RALGAPB: variants seen among roughly 807,000 people sequenced by gnomAD.
The protein encoded by RALGAPB is ral GTPase-activating protein subunit beta.
RALGAPB carries 25 observed loss-of-function variants against 161.1 expected under a neutral mutation model. That is an observed-to-expected ratio of 0.16 (90% CI 0.11 to 0.22). The LOEUF (loss-of-function observed/expected upper bound fraction) is 0.22. Ranked by LOEUF, RALGAPB falls within the 10% of genes least tolerant of loss-of-function variation. The pLI, the probability that RALGAPB is intolerant of heterozygous loss-of-function variation, is 1.00. For synonymous variants in RALGAPB, 629 were observed against 626.1 expected (o/e 1.00, Z -0.07); for missense variants, 1,391 against 1,815.2 (o/e 0.77, Z 4.25).
chr20:38,517,507 T>A lies in RALGAPB; in HGVS notation c.1053T>A (p.Gly351=). The change falls in exon 8 of 30, where the codon GGT becomes GGA. Residue 351 remains glycine, a splice_region_variant and synonymous_variant. Transcript: ENST00000262879. ...ATTTGTCTTTTTTTTTTTTTTAAGGTATTTCTAGACCCCGATCAGACAGTG... is the reference window on the plus strand; with the variant it reads ...ATTTGTCTTTTTTTTTTTTTTAAGGAATTTCTAGACCCCGATCAGACAGTG... ...GISCLVDAFL[G]ISRPRSDSAP... The A allele has an allele frequency of 6.5e-7, 1 of 1,544,100 alleles. No homozygotes were observed. Among genetic ancestry groups the A allele is most frequent in the Non-Finnish European group, 8.7e-7 (1 of 1,149,702 alleles).
At chr20:38,473,688 C>A (rs1264466743) in intron 1 of RALGAPB, among the ~76,000 whole-genome samples, 1 of 152,128 alleles carries the variant, frequency 6.6e-6, no homozygotes, top group East Asian at 1.9e-4. Context: ...CCGGAGCATC[C>A]GACCCAAGTG....
chr20:38,551,287 G>T, intron 21 of RALGAPB, 64 bp downstream of exon 21: 1 of 1,536,842 alleles, frequency 6.5e-7, no homozygotes, highest in Admixed American at 1.7e-5. Context: ...GACTTCCTTG[G>T]TCAAGACAAT....
At chr20:38,558,811 A>G (rs1394087693) in intron 23 of RALGAPB, among the ~76,000 whole-genome samples, 2 of 152,236 alleles carry the variant, frequency 1.3e-5, no homozygotes, top group South Asian at 2.1e-4. Flanking sequence ...CACACAGTCT[A>G]GAGTCCATAT....
Position 38,488,637 on chromosome 20 carries a change from C to A in RALGAPB, c.186+19C>A. ...CAAAGAAGTAAGTGTTTCTAAATTT[C>A]ATTCTCTTATATGAAAATGTACATT... On this transcript the variant is annotated intron_variant, in intron 2 of 29. Coordinates refer to ENST00000262879, the MANE Select transcript of RALGAPB (RefSeq NM_020336.4). The A allele has an allele frequency of 6.3e-7, 1 of 1,591,024 alleles. No homozygotes were observed. The highest frequency in any genetic ancestry group is 1.1e-5 in the South Asian group (1 of 88,750).
At chr20:38,535,338 G>A (rs887401932) in intron 16 of RALGAPB, 131 bp downstream of exon 16, 5 of 1,169,248 alleles carry the variant, frequency 4.3e-6, no homozygotes, top group Non-Finnish European at 4.7e-6. Context: ...TATATCCAAA[G>A]TGTACAAAAT....
chr20:38,537,494 C>G (rs979332775), intron 16 of RALGAPB, among the ~76,000 whole-genome samples: 1 of 152,166 alleles, frequency 6.6e-6, no homozygotes, highest in South Asian at 2.1e-4. Context: ...AATAAAACTT[C>G]TAGAAGAAAA....
At chr20:38,546,600 A>G (rs1415886968) in intron 19 of RALGAPB, 170 bp downstream of exon 19, 2 of 762,988 alleles carry the variant, frequency 2.6e-6, no homozygotes, top group Non-Finnish European at 4.1e-6. Flanking sequence ...AAAATAGAAT[A>G]TACATATTAC....
intron 22 of RALGAPB, among the ~76,000 whole-genome samples, chr20:38,557,534 A>G (rs188709038): frequency 7.1e-4 from 108 of 152,186 alleles, no homozygotes; most frequent in Non-Finnish European, 4.4e-5. Context: ...TCCTCACTCA[A>G]CACCTAGTAG....
intron 18 of RALGAPB, 121 bp downstream of exon 18, chr20:38,541,313 CTT>C: frequency 1.0e-6 from 1 of 995,914 alleles, no homozygotes; most frequent in Non-Finnish European, 1.4e-6. Flanking sequence ...TTAGAATATA[CTT>C]TTTCTCCAGA....
chr20:38,567,759 A>C (rs981937640), intron 26 of RALGAPB, among the ~76,000 whole-genome samples: 21 of 152,212 alleles, frequency 1.4e-4, no homozygotes, highest in African/African-American at 4.6e-4. Context: ...AAGTGTAGGA[A>C]GATTGACTTA....
intron 11 of RALGAPB, 139 bp downstream of exon 11, chr20:38,525,084 G>T: frequency 1.1e-6 from 1 of 875,572 alleles, no homozygotes; most frequent in South Asian, 1.6e-5. Flanking sequence ...AATGAGTGTA[G>T]TGTGTCCAAA....
chr20:38,489,171 G>T (rs1366253238), intron 2 of RALGAPB, among the ~76,000 whole-genome samples: 2 of 152,100 alleles, frequency 1.3e-5, no homozygotes, highest in African/African-American at 4.8e-5. Flanking sequence ...ATTGGAATTG[G>T]GGTTGTGTTT....
intron 2 of RALGAPB, among the ~76,000 whole-genome samples, chr20:38,488,884 A>G (rs533796031): frequency 6.6e-5 from 10 of 152,316 alleles, no homozygotes; most frequent in Non-Finnish European, 1.2e-4. Context: ...GTTATGGTCA[A>G]TTCTCCACTT....
At chr20:38,524,757 A>AT (rs2086407511) in intron 10 of RALGAPB, 21 bp from the exon 11 acceptor site, 2 of 1,562,112 alleles carry the variant, frequency 1.3e-6, no homozygotes, top group Non-Finnish European at 8.8e-7. Flanking sequence ...TTTGTTTAAA[A>AT]TTTTTTTCTT....
At chr20:38,538,919 G>C (rs1433815288) in intron 16 of RALGAPB, among the ~76,000 whole-genome samples, 1 of 152,066 alleles carries the variant, frequency 6.6e-6, no homozygotes, top group African/African-American at 2.4e-5. Flanking sequence ...AACATTTATC[G>C]ATATAAATAC....
At chr20:38,512,833 C>T (rs559892510) in intron 6 of RALGAPB, among the ~76,000 whole-genome samples, 4 of 152,292 alleles carry the variant, frequency 2.6e-5, no homozygotes, top group Admixed American at 2.0e-4. Context: ...AATCTCTGCT[C>T]ACTGCAAGTT....
chr20:38,554,153 C>T, intron 22 of RALGAPB, 77 bp downstream of exon 22: 1 of 1,290,192 alleles, frequency 7.8e-7, no homozygotes, highest in Non-Finnish European at 1.1e-6. Flanking sequence ...ATATTTTTAT[C>T]AGGATAGAAG....
chr20:38,541,346 T>C (rs1268287624), intron 18 of RALGAPB, among the ~76,000 whole-genome samples, 154 bp downstream of exon 18: 2 of 152,040 alleles, frequency 1.3e-5, no homozygotes, highest in African/African-American at 2.4e-5. Context: ...GAAGAAAATC[T>C]CTATTTTTTT....
chr20:38,489,648 C>T (rs949861438), intron 2 of RALGAPB, among the ~76,000 whole-genome samples: 1 of 152,100 alleles, frequency 6.6e-6, no homozygotes, highest in African/African-American at 2.4e-5. Flanking sequence ...AAACCTGTAC[C>T]CTATTTCTCA....
Sources: gnomAD v4.1 joint callset for allele counts (sites outside exome capture counted in the v4.1 genomes callset) on GRCh38, gnomAD v4.1.1 for gene constraint, MANE v1.5 for transcripts, NCBI Gene and HGNC (gene_info 2026-07-23, HGNC 2026-07-21) for gene names.